The following ABCC12 variants were observed in gnomAD, a reference collection of about 807,000 sequenced individuals.
ABCC12 encodes the protein ATP binding cassette subfamily C member 12.
A neutral mutation model predicts 151.1 loss-of-function variants in ABCC12; 142 were observed. The observed-to-expected ratio is 0.94, with a 90% CI of 0.82 to 1.08. The LOEUF is 1.08. ABCC12 is among the 50% of genes least tolerant of loss of function. The probability of loss-of-function intolerance (pLI) is 0.00; values close to 1 mark genes in which losing one functional copy is unlikely to be tolerated. For missense variants in ABCC12, 1,638 were observed against 1,691.1 expected (o/e 0.97, Z 0.55); for synonymous variants, 645 against 646.4 (o/e 1.00, Z 0.03).
chr16:48,083,964 T>A lies in ABCC12; in HGVS notation c.3938A>T (p.His1313Leu). 1.9e-6 allele frequency: 3 copies of A among 1,611,326 alleles called. No homozygotes were observed. The highest frequency in any genetic ancestry group is 2.5e-6 in the Non-Finnish European group (3 of 1,179,092). Reference sequence around the variant, plus strand: ...GCAGTTGAGAACTGTGTTGAGGCGGTGGGCGATGGTCAGCACAGTGCAGCC... The same window carrying A: ...GCAGTTGAGAACTGTGTTGAGGCGGAGGGCGATGGTCAGCACAGTGCAGCC... ...FKGCTVLTIA[H>L]RLNTVLNCDH... The change falls in exon 30 of 31, where the codon CAC (histidine) becomes CTC (leucine). Residue 1313 changes from histidine to leucine, a missense_variant. Coordinates refer to ENST00000311303, the MANE Select transcript of ABCC12 (RefSeq NM_001393797.1).
chr16:48,108,497 G>A lies in ABCC12; in HGVS notation c.2314C>T (p.Pro772Ser), dbSNP rs867693143. Residue 772 changes from proline to serine, a missense_variant, in exon 19 of 31, where the codon CCC (proline) becomes TCC (serine). Transcript: ENST00000311303. ...TTCCAGGTCACGGTTCCTTCCTGGG[G>A]GGATTCAGTCTGGATGAGCTGGTGC... is the stretch of plus-strand genomic sequence containing the variant. Reference protein sequence around the residue: ...PEHQLIQTESPQEGTVTWKTY... With the variant: ...PEHQLIQTESSQEGTVTWKTY... The A allele has an allele frequency of 1.2e-6, 2 of 1,614,190 alleles. No individual in the cohort carries two copies. The highest frequency in any genetic ancestry group is 2.2e-5 in the South Asian group (2 of 91,080).
intron 13 of ABCC12, 133 bp from the exon 14 acceptor site, chr16:48,117,466 T>A: frequency 1.1e-6 from 1 of 874,596 alleles, no homozygotes; most frequent in Non-Finnish European, 1.8e-6. Flanking sequence ...CAAGGCTCCC[T>A]GGCCAGTCGC....
chr16:48,111,933 A>G (rs777855183), intron 15 of ABCC12, 23 bp from the exon 16 acceptor site: 14 of 1,609,510 alleles, frequency 8.7e-6, no homozygotes, highest in Admixed American at 6.7e-5. Flanking sequence ...GTGATCGACA[A>G]TGAACTTCTG....
chr16:48,130,972 TA>T (rs1964406171), intron 9 of ABCC12, 77 bp from the exon 10 acceptor site: 1 of 963,392 alleles, frequency 1.0e-6, no homozygotes, highest in African/African-American at 1.6e-5. Flanking sequence ...ACATGGGGTT[TA>T]AACTTGCTGA....
At chr16:48,088,790 T>TA in intron 25 of ABCC12, 56 bp from the exon 26 acceptor site, 1 of 1,445,988 alleles carries the variant, frequency 6.9e-7, no homozygotes, top group Non-Finnish European at 9.5e-7. Context: ...TTCACTTATT[T>TA]AACTAATTCA....
intron 20 of ABCC12, among the ~76,000 whole-genome samples, chr16:48,106,589 G>A (rs1034320913): frequency 1.3e-5 from 2 of 152,166 alleles, no homozygotes; most frequent in African/African-American, 4.8e-5. Context: ...TTTCTGCACA[G>A]AGCAGGCCAC....
chr16:48,128,164 G>GTCAGT (rs1964301974), intron 11 of ABCC12, among the ~76,000 whole-genome samples: 1 of 152,256 alleles, frequency 6.6e-6, no homozygotes, highest in East Asian at 1.9e-4. Flanking sequence ...ATGAAACCTA[G>GTCAGT]TCAGTTCAAG....
chr16:48,121,940 G>C, intron 12 of ABCC12, 100 bp from the exon 13 acceptor site: 1 of 1,537,870 alleles, frequency 6.5e-7, no homozygotes, highest in Non-Finnish European at 8.8e-7. Flanking sequence ...ACAAGCATTG[G>C]TTATGAAGGC....
At chr16:48,121,481 T>C (rs1349607256) in intron 13 of ABCC12, 21 of 464,240 alleles carry the variant, frequency 4.5e-5, no homozygotes, top group Non-Finnish European at 7.3e-5. Context: ...GCCCTGGGAA[T>C]GAAGTGCCGA....
In ABCC12 at chr16:48,091,188, A is replaced by G. The variant is rs367826251; in HGVS notation, c.3217T>C (p.Cys1073Arg). ...IIQLSGLLQV[C>R]VRTGTETQAK... Reference sequence around the variant, plus strand: ...TGCGTCTCTGTTCCCGTTCGCACACACACTTGGAGCAGTCCGCTCAGCTGT... The same window carrying G: ...TGCGTCTCTGTTCCCGTTCGCACACGCACTTGGAGCAGTCCGCTCAGCTGT... Residue 1073 changes from cysteine (C) to arginine (R), a missense_variant, in exon 25 of 31, where the codon TGT becomes CGT. Coordinates refer to ENST00000311303, the MANE Select transcript of ABCC12 (RefSeq NM_001393797.1). 3.7e-6 allele frequency: 6 copies of G among 1,614,096 alleles called. No individual in the cohort carries two copies. The highest frequency in any genetic ancestry group is 5.1e-6 in the Non-Finnish European group (6 of 1,179,976).
intron 2 of ABCC12, among the ~76,000 whole-genome samples, chr16:48,149,012 T>G (rs1596633554): frequency 6.6e-6 from 1 of 151,822 alleles, no homozygotes; most frequent in Admixed American, 6.6e-5. Flanking sequence ...TAATAGTAAG[T>G]ATGAGAAACA....
At position 48,105,231 on chromosome 16, in the gene ABCC12, A is replaced by G. The variant is rs760127184; in HGVS notation, c.2581T>C (p.Phe861Leu). ...TTGGTGACGCCAAACACCAGCATGA[A>G]CACCATGCTTGCAGTGTACACCCAC... is the stretch of plus-strand genomic sequence containing the variant. ...YQWVYTASMVFMLVFGVTKGF... is the reference protein window; with the variant it reads ...YQWVYTASMVLMLVFGVTKGF... Residue 861 changes from phenylalanine (F) to leucine (L), a missense_variant, in exon 21 of 31, where the codon TTC becomes CTC. By Grantham distance (22) the Phe-to-Leu change is conservative (BLOSUM62 0). Coordinates refer to ENST00000311303, the MANE Select transcript of ABCC12 (RefSeq NM_001393797.1). The G allele has an allele frequency of 4.3e-6, 7 of 1,614,092 alleles. 1 individual carries two copies. The highest frequency in any genetic ancestry group is 3.3e-5 in the Admixed American group (2 of 60,032).
chr16:48,101,106 G>C, intron 22 of ABCC12, 97 bp from the exon 23 acceptor site: 1 of 1,395,296 alleles, frequency 7.2e-7, no homozygotes, highest in East Asian at 2.5e-5. Context: ...TCAGCACAGT[G>C]CTTAAGTCAG....
intron 4 of ABCC12, among the ~76,000 whole-genome samples, chr16:48,143,217 G>T (rs1191506270): frequency 6.6e-6 from 1 of 152,234 alleles, no homozygotes; most frequent in African/African-American, 2.4e-5. Context: ...ACAGGGCAAA[G>T]TGAGATTCCA....
chr16:48,117,352 G>T lies in ABCC12; in HGVS notation c.1713-19C>A. The T allele has an allele frequency of 6.2e-7, 1 of 1,612,430 alleles. No individual in the cohort carries two copies. The highest frequency in any genetic ancestry group is 1.7e-5 in the Admixed American group (1 of 59,866). On this transcript the variant is annotated intron_variant, in intron 13 of 30. Transcript: ENST00000311303. The stretch of plus-strand genomic sequence containing the variant: ...CTGATACCTGTTGGTGCAAAGCTCA[G>T]AAGTAGCTGGGTGAGAAAGACCCCA...
chr16:48,087,116 T>C, intron 27 of ABCC12: 1 of 327,196 alleles, frequency 3.1e-6, no homozygotes, highest in Non-Finnish European at 5.8e-6. Context: ...CCTGGGCCTC[T>C]CAGCAGCCCC....
rs1327053101 is a variant in ABCC12, at chr16:48,104,337, G to A, written c.2705C>T (p.Thr902Met). Residue 902 changes from threonine (T) to methionine (M), a missense_variant, in exon 22 of 31, where the codon ACG becomes ATG. Thr to Met is a moderately conservative substitution (Grantham distance 81, BLOSUM62 -1). Transcript: ENST00000311303. ...ILKSPMSFFD[T>M]TPTGRLMNRF... ...GTTCATTAGCCTGCCAGTGGGAGTC[G>A]TGTCAAAGAAACTCATTGGGCTCTT... The A allele has an allele frequency of 6.2e-6, 10 of 1,612,424 alleles. No individual in the cohort carries two copies. The highest frequency in any genetic ancestry group is 1.6e-4 in the Middle Eastern group (1 of 6,080).
intron 1 of ABCC12, among the ~76,000 whole-genome samples, chr16:48,155,581 C>T (rs138809196): frequency 4.6e-5 from 7 of 152,042 alleles, no homozygotes; most frequent in African/African-American, 1.4e-4. Context: ...ATTTTGAAAT[C>T]GCGTCTTGGC....
At chr16:48,090,752 A>C (rs1457143900) in intron 25 of ABCC12, among the ~76,000 whole-genome samples, 4 of 151,778 alleles carry the variant, frequency 2.6e-5, no homozygotes, top group African/African-American at 9.7e-5. Flanking sequence ...TTTGAGATGG[A>C]GTTTTACTCT....
Sources: allele counts gnomAD v4.1 joint callset (sites outside exome capture counted in the v4.1 genomes callset), GRCh38; gene constraint gnomAD v4.1.1; transcripts MANE v1.5; gene names NCBI Gene and HGNC (gene_info 2026-07-23, HGNC 2026-07-21).